Variants in CSMD3 observed in about 807,000 individuals in gnomAD.
CSMD3 encodes CUB and sushi domain-containing protein 3.
In CSMD3, 177 loss-of-function variants were observed where a neutral mutation model predicts 435.2. The observed-to-expected ratio is 0.41, with a 90% CI of 0.36 to 0.46. The LOEUF (loss-of-function observed/expected upper bound fraction) is 0.46, where lower values mean the gene tolerates loss of function less well. Ranked by LOEUF, CSMD3 falls within the 20% of genes least tolerant of loss-of-function variation. CSMD3 has a pLI of 0.34. For missense variants in CSMD3, 4,265 were observed against 4,504.6 expected (o/e 0.95, Z 1.52); for synonymous variants, 1,656 against 1,520.5 (o/e 1.09, Z -2.07).
At chr8:112,776,286 T>A (rs1038102292) in intron 13 of CSMD3, among the ~76,000 whole-genome samples, 2 of 151,918 alleles carry the variant, frequency 1.3e-5, no homozygotes, top group African/African-American at 4.8e-5. Flanking sequence ...AAATTATTAT[T>A]GTATTTTACC....
At chr8:112,470,689 AAAT>A (rs199585752) in intron 32 of CSMD3, among the ~76,000 whole-genome samples, 44,519 of 151,816 alleles carry the variant, frequency 0.29, 6,762 homozygotes, top group East Asian at 0.5. Flanking sequence ...TCTATAAACA[AAAT>A]GATACCAAAT....
chr8:113,039,213 A>AT (rs1250866420), intron 5 of CSMD3, among the ~76,000 whole-genome samples: 2 of 152,050 alleles, frequency 1.3e-5, no homozygotes, highest in African/African-American at 4.8e-5. Context: ...TTGTATTTGC[A>AT]TTTTTTCCTA....
chr8:112,270,775 T>C (rs1452732766), intron 59 of CSMD3, among the ~76,000 whole-genome samples: 1 of 152,114 alleles, frequency 6.6e-6, no homozygotes, highest in Non-Finnish European at 1.5e-5. Context: ...ATTCCTCTGA[T>C]TTGTCATTAC....
At chr8:113,061,449 GA>G (rs1317769905) in intron 5 of CSMD3, among the ~76,000 whole-genome samples, 2 of 152,128 alleles carry the variant, frequency 1.3e-5, no homozygotes, top group Non-Finnish European at 2.9e-5. Context: ...AGCCTGGCCT[GA>G]ATAACTGAGT....
intron 2 of CSMD3, among the ~76,000 whole-genome samples, chr8:113,293,028 T>C (rs1041434410): frequency 6.6e-6 from 1 of 151,850 alleles, no homozygotes; most frequent in Non-Finnish European, 1.5e-5. Context: ...ATTATCTTTG[T>C]GATGTTCCAA....
rs550397792 is a variant in CSMD3, at chr8:113,001,288, G to A, written c.1030+17779C>T. Among the ~76,000 whole-genome samples, 8 of 152,036 alleles carry A rather than the reference G, an allele frequency of 5.3e-5. No individual in the cohort carries two copies. In the South Asian group the frequency reaches 1.5e-3, roughly 28 times the overall value. Reference sequence around the variant, plus strand: ...ATTCTTCTGTGTCTTCCTTATCACGGCCTGAGGACAAGGTTCTACAACCTT... The same window carrying A: ...ATTCTTCTGTGTCTTCCTTATCACGACCTGAGGACAAGGTTCTACAACCTT... On this transcript the variant is annotated intron_variant, in intron 6 of 70. Coordinates refer to ENST00000297405, the MANE Select transcript of CSMD3 (RefSeq NM_198123.2).
At chr8:112,796,180 A>T (rs2078824927) in intron 13 of CSMD3, among the ~76,000 whole-genome samples, 1 of 152,130 alleles carries the variant, frequency 6.6e-6, no homozygotes, top group African/African-American at 2.4e-5. Context: ...ATCACTTAGG[A>T]TATAATATTG....
At chr8:112,765,940 G>A (rs2077967885) in intron 13 of CSMD3, among the ~76,000 whole-genome samples, 1 of 151,692 alleles carries the variant, frequency 6.6e-6, no homozygotes, top group Non-Finnish European at 1.5e-5. Flanking sequence ...AAGACCTGAT[G>A]ATTTGGACCA....
chr8:113,411,917 A>T (rs1056120157), intron 1 of CSMD3, among the ~76,000 whole-genome samples: 7 of 152,168 alleles, frequency 4.6e-5, no homozygotes, highest in African/African-American at 1.7e-4. Context: ...GTAGTTAAGA[A>T]TATGGGTTTT....
intron 12 of CSMD3, among the ~76,000 whole-genome samples, chr8:112,809,228 G>A (rs1305659377): frequency 6.6e-6 from 1 of 152,082 alleles, no homozygotes; most frequent in Non-Finnish European, 1.5e-5. Context: ...GGACCTGGAA[G>A]GACCTGTTGA....
intron 6 of CSMD3, 146 bp downstream of exon 6, chr8:113,018,921 T>A: frequency 2.9e-6 from 2 of 678,678 alleles, no homozygotes; most frequent in Non-Finnish European, 5.4e-6. Context: ...ATGATCACAT[T>A]ATTGTCTCAG....
At chr8:112,933,464 G>A (rs1198568928) in intron 9 of CSMD3, among the ~76,000 whole-genome samples, 1 of 152,094 alleles carries the variant, frequency 6.6e-6, no homozygotes, top group Non-Finnish European at 1.5e-5. Context: ...TATATTTGCT[G>A]TCTTTCCACC....
chr8:112,622,920 G>C (rs1454690586), intron 22 of CSMD3, among the ~76,000 whole-genome samples: 1 of 151,966 alleles, frequency 6.6e-6, no homozygotes, highest in African/African-American at 2.4e-5. Flanking sequence ...GGAGTCAGAG[G>C]GGTTAACTAT....
chr8:113,195,610 G>A (rs1239421703), intron 3 of CSMD3, among the ~76,000 whole-genome samples: 2 of 150,338 alleles, frequency 1.3e-5, no homozygotes, highest in African/African-American at 4.9e-5. Flanking sequence ...ATAAATGAAA[G>A]AGGAGGATTC....
intron 32 of CSMD3, among the ~76,000 whole-genome samples, chr8:112,457,633 A>G (rs1213692651): frequency 2.0e-5 from 3 of 152,010 alleles, no homozygotes; most frequent in African/African-American, 7.2e-5. Context: ...GCCAGAGTAA[A>G]GTTGAGGAAT....
At chr8:112,649,812 A>T (rs1219226654) in intron 19 of CSMD3, among the ~76,000 whole-genome samples, 1 of 152,184 alleles carries the variant, frequency 6.6e-6, no homozygotes, top group Non-Finnish European at 1.5e-5. Context: ...CAGGAAACAA[A>T]TGCTGCATTT....
chr8:113,092,602 A>G (rs1232086702), intron 5 of CSMD3, among the ~76,000 whole-genome samples: 1 of 151,996 alleles, frequency 6.6e-6, no homozygotes, highest in Non-Finnish European at 1.5e-5. Context: ...AGCAACTAAA[A>G]CTTTGTTTAA....
chr8:112,976,284 C>G, intron 6 of CSMD3, 136 bp from the exon 7 acceptor site: 1 of 1,000,086 alleles, frequency 1.0e-6, no homozygotes, highest in Admixed American at 2.2e-5. Flanking sequence ...CACAAACACG[C>G]GAGTAAATTG....
intron 32 of CSMD3, among the ~76,000 whole-genome samples, chr8:112,462,695 C>T (rs774798659): frequency 3.3e-5 from 5 of 150,844 alleles, no homozygotes; most frequent in South Asian, 2.1e-4. Context: ...ATGATACACA[C>T]GTATAAATTA....
Sources: gnomAD v4.1 joint callset for allele counts (sites outside exome capture counted in the v4.1 genomes callset) on GRCh38, gnomAD v4.1.1 for gene constraint, MANE v1.5 for transcripts, NCBI Gene and HGNC (gene_info 2026-07-23, HGNC 2026-07-21) for gene names.